Variants in SRGAP2C observed in about 807,000 individuals in gnomAD.
The protein encoded by SRGAP2C is SLIT-ROBO Rho GTPase activating protein 2C, also known as SLIT-ROBO Rho GTPase-activating protein 2C.
A neutral mutation model predicts 25.1 loss-of-function variants in SRGAP2C; 15 were observed. The ratio of observed to expected loss-of-function variants is 0.60; its 90% CI spans 0.40 to 0.92. SRGAP2C has a LOEUF of 0.92. Ranked by LOEUF, SRGAP2C falls within the 40% of genes least tolerant of loss-of-function variation. The probability of loss-of-function intolerance (pLI) is 0.00; values close to 1 mark genes in which losing one functional copy is unlikely to be tolerated. For missense variants in SRGAP2C, 144 were observed against 264.4 expected (o/e 0.54, Z 3.16); for synonymous variants, 44 against 96.6 (o/e 0.46, Z 3.19).
chr1:121,308,382 G>C (rs1657897058), intron 3 of SRGAP2C, among the ~76,000 whole-genome samples: 1 of 151,162 alleles, frequency 6.6e-6, no homozygotes, highest in Admixed American at 6.6e-5. Context: ...TTTTCTCTTT[G>C]CACATGATTC....
chr1:121,306,723 C>T (rs1657849758), intron 3 of SRGAP2C, among the ~76,000 whole-genome samples: 1 of 143,212 alleles, frequency 7.0e-6, no homozygotes, highest in Non-Finnish European at 1.5e-5. Flanking sequence ...TGGATGGTAA[C>T]TGAAAGAAAA....
At chr1:121,290,998 T>G (rs1657479338) in intron 3 of SRGAP2C, among the ~76,000 whole-genome samples, 1 of 120,316 alleles carries the variant, frequency 8.3e-6, no homozygotes, top group Non-Finnish European at 1.7e-5. Flanking sequence ...AAGTTCAGAT[T>G]GGGTGTGGCA....
At chr1:121,339,213 C>G (rs1271138705) in intron 4 of SRGAP2C, among the ~76,000 whole-genome samples, 2 of 143,972 alleles carry the variant, frequency 1.4e-5, no homozygotes. Context: ...TGTCCCATAG[C>G]TTTTTCATAT....
intron 4 of SRGAP2C, among the ~76,000 whole-genome samples, chr1:121,345,329 C>T (rs1399339827): frequency 6.6e-6 from 1 of 152,142 alleles, no homozygotes. Flanking sequence ...TGAAACAATT[C>T]TACTAGCTGA....
chr1:121,329,742 G>C (rs2101616115), intron 4 of SRGAP2C, among the ~76,000 whole-genome samples: 1 of 151,296 alleles, frequency 6.6e-6, no homozygotes, highest in South Asian at 2.1e-4. Context: ...AATGTCTGCT[G>C]GGACATATTT....
chr1:121,282,545 C>T (rs1374541411), intron 2 of SRGAP2C, among the ~76,000 whole-genome samples: 1 of 151,092 alleles, frequency 6.6e-6, no homozygotes, highest in Non-Finnish European at 1.5e-5. Context: ...CCTAAAAACG[C>T]CTTGGTTCTT....
intron 8 of SRGAP2C, among the ~76,000 whole-genome samples, chr1:121,385,921 A>G (rs1553356279): frequency 6.6e-6 from 1 of 150,590 alleles, no homozygotes; most frequent in Non-Finnish European, 1.5e-5. Flanking sequence ...GGGTAAAATG[A>G]TGGCTCTTTG....
At chr1:121,335,460 A>AT (rs1162681731) in intron 4 of SRGAP2C, among the ~76,000 whole-genome samples, 4,436 of 95,022 alleles carry the variant, frequency 0.047, 240 homozygotes, top group African/African-American at 0.099. Flanking sequence ...TTTATTTCAG[A>AT]TTTTTTTTTT....
chr1:121,385,000 C>T (rs1381176654), intron 8 of SRGAP2C, among the ~76,000 whole-genome samples: 1 of 152,082 alleles, frequency 6.6e-6, no homozygotes, highest in African/African-American at 2.4e-5. Flanking sequence ...TGTGAAGGTT[C>T]CGCATTCTAG....
At chr1:121,237,580 C>T (rs1299249488) in intron 2 of SRGAP2C, among the ~76,000 whole-genome samples, 7 of 151,452 alleles carry the variant, frequency 4.6e-5, no homozygotes, top group African/African-American at 1.7e-4. Flanking sequence ...CTGGCTGCAT[C>T]CAACACCAGA....
chr1:121,258,554 C>T lies in SRGAP2C; in HGVS notation c.68-26249C>T, dbSNP rs182224440. ...GACCTTGGCTCACGGCAACCTCTGC[C>T]TCCTGGGTTCAAGAGATTCTCCTGC... On this transcript the variant is annotated intron_variant, in intron 2 of 9. Transcript: ENST00000367123. 5.9e-4 allele frequency among the ~76,000 whole-genome samples: 89 copies of T among 151,312 alleles called. 1 individual carries two copies. The highest frequency in any genetic ancestry group is 2.1e-3 in the African/African-American group (85 of 41,176).
chr1:121,379,677 AG>A (rs1230563543), intron 7 of SRGAP2C, among the ~76,000 whole-genome samples: 1 of 143,608 alleles, frequency 7.0e-6, no homozygotes, highest in Non-Finnish European at 1.5e-5. Flanking sequence ...TAGAGGAGCC[AG>A]GGGCACATTG....
rs1480258060 is a variant in SRGAP2C, at chr1:121,208,672, G to A, written c.67+21159G>A. 2.0e-5 allele frequency among the ~76,000 whole-genome samples: 3 copies of A among 151,516 alleles called. No individual in the cohort carries two copies. In the East Asian group the frequency reaches 5.8e-4, roughly 29 times the overall value. On this transcript the variant is annotated intron_variant, in intron 2 of 9. Transcript: ENST00000367123. The stretch of plus-strand genomic sequence containing the variant: ...GCACGTATTTGTTTACACATCTCTT[G>A]TCTGCTAAGCTATGAGCTCTTTGAG...
intron 4 of SRGAP2C, among the ~76,000 whole-genome samples, chr1:121,337,742 G>A (rs1306968305): frequency 7.2e-6 from 1 of 139,586 alleles, no homozygotes; most frequent in Non-Finnish European, 1.5e-5. Context: ...TTGTAAAAAC[G>A]TATTAGTCTT....
chr1:121,267,905 C>T (rs1656840709), intron 2 of SRGAP2C, among the ~76,000 whole-genome samples: 1 of 151,868 alleles, frequency 6.6e-6, no homozygotes. Context: ...AGTAAATACT[C>T]ATTATAAAAA....
At chr1:121,296,081 C>T (rs1278084630) in intron 3 of SRGAP2C, among the ~76,000 whole-genome samples, 1 of 145,490 alleles carries the variant, frequency 6.9e-6, no homozygotes, top group South Asian at 2.2e-4. Context: ...GTTTTTTTAA[C>T]AGAAGTTAGG....
At chr1:121,224,109 C>T (rs587763685) in intron 2 of SRGAP2C, among the ~76,000 whole-genome samples, 3 of 151,310 alleles carry the variant, frequency 2.0e-5, no homozygotes, top group African/African-American at 4.9e-5. Context: ...CAGTTTCTGC[C>T]TCTGAGCGTG....
intron 4 of SRGAP2C, among the ~76,000 whole-genome samples, chr1:121,359,684 C>T (rs587752355): frequency 6.6e-5 from 10 of 152,108 alleles, no homozygotes; most frequent in African/African-American, 1.2e-4. Context: ...AAGAGGATCA[C>T]GTGACAGTTG....
chr1:121,272,554 G>A (rs1252767121), intron 2 of SRGAP2C, among the ~76,000 whole-genome samples: 11 of 151,850 alleles, frequency 7.2e-5, no homozygotes, highest in African/African-American at 1.2e-4. Context: ...TTAAGACAGC[G>A]AGAATGAGGA....
Sources: gnomAD v4.1 joint callset for allele counts (sites outside exome capture counted in the v4.1 genomes callset) on GRCh38, gnomAD v4.1.1 for gene constraint, MANE v1.5 for transcripts, NCBI Gene and HGNC (gene_info 2026-07-23, HGNC 2026-07-21) for gene names.